AXDND1: variants seen among roughly 807,000 people sequenced by gnomAD.
The protein encoded by AXDND1 is axonemal dynein light chain domain containing 1, also known as axonemal dynein light chain domain-containing protein 1.
AXDND1 carries 110 observed loss-of-function variants against 137.5 expected under a neutral mutation model. That is an observed-to-expected ratio of 0.80 (90% CI 0.69 to 0.94). AXDND1 has a LOEUF of 0.94. Among genes scored for constraint, AXDND1 ranks in the 40% least tolerant of loss-of-function variants. AXDND1 has a pLI of 0.00. For synonymous variants in AXDND1, 414 were observed against 399.7 expected (o/e 1.04, Z -0.43); for missense variants, 1,191 against 1,169.8 (o/e 1.02, Z -0.26).
At chr1:179,438,921 C>T (rs1480400639) in intron 15 of AXDND1, among the ~76,000 whole-genome samples, 2 of 152,008 alleles carry the variant, frequency 1.3e-5, no homozygotes, top group African/African-American at 4.8e-5. Flanking sequence ...TTGGTCCTTT[C>T]CTCCCTGGAT....
At chr1:179,497,250 G>A (rs10798684) in intron 20 of AXDND1, among the ~76,000 whole-genome samples, 130,437 of 151,850 alleles carry the variant, frequency 0.86, 56,215 homozygotes, top group East Asian at 0.9. Flanking sequence ...TGATCCATCA[G>A]TTATTCAGAG....
intron 16 of AXDND1, among the ~76,000 whole-genome samples, chr1:179,466,604 A>T (rs551143361): frequency 6.6e-6 from 1 of 152,234 alleles, no homozygotes; most frequent in African/African-American, 2.4e-5. Flanking sequence ...GTCATTTTAT[A>T]ACTTGAAAGT....
At chr1:179,522,144 A>G (rs1449006741) in intron 21 of AXDND1, among the ~76,000 whole-genome samples, 2 of 152,000 alleles carry the variant, frequency 1.3e-5, no homozygotes, top group African/African-American at 2.4e-5. Context: ...GTTGGAATCA[A>G]TCCCCCATGT....
At chr1:179,516,385 T>C (rs1340663025) in intron 21 of AXDND1, among the ~76,000 whole-genome samples, 2 of 152,206 alleles carry the variant, frequency 1.3e-5, no homozygotes, top group South Asian at 2.1e-4. Context: ...TTTCCTTGCA[T>C]TGGGCTTCGC....
intron 21 of AXDND1, among the ~76,000 whole-genome samples, chr1:179,510,074 A>G (rs60653926): frequency 0.025 from 3,810 of 152,118 alleles, 91 homozygotes; most frequent in East Asian, 0.062. Context: ...TCCTTTTACA[A>G]TGTCCTGGTT....
intron 25 of AXDND1, chr1:179,544,525 T>A (rs1672463570): frequency 6.6e-6 from 1 of 151,862 alleles, no homozygotes; most frequent in Admixed American, 6.6e-5. Flanking sequence ...ACACAAAAAT[T>A]AGCCAGGCAT....
intron 11 of AXDND1, among the ~76,000 whole-genome samples, chr1:179,400,037 A>T (rs1052464442): frequency 1.3e-5 from 2 of 152,222 alleles, no homozygotes; most frequent in African/African-American, 4.8e-5. Context: ...AACTAAAAGT[A>T]GAACTACCAT....
At chr1:179,394,733 A>C (rs904757415) in intron 10 of AXDND1, among the ~76,000 whole-genome samples, 1 of 152,242 alleles carries the variant, frequency 6.6e-6, no homozygotes, top group African/African-American at 2.4e-5. Flanking sequence ...GTGATCATCT[A>C]ACTTTTAACC....
At position 179,430,385 on chromosome 1, in the gene AXDND1, A is replaced by T. The variant is rs909131318; in HGVS notation, c.1333-67A>T. On this transcript the variant is annotated intron_variant, in intron 13 of 25. Coordinates refer to ENST00000367618, the MANE Select transcript of AXDND1 (RefSeq NM_144696.6). ...ATTACAATATTAATAATGGCCTGGT[A>T]TATGTTAATGACTATTTGTTATATA... The T allele has an allele frequency of 4.1e-6, 5 of 1,207,278 alleles. No homozygotes were observed. In the African/African-American group the frequency reaches 6.2e-5, roughly 15 times the overall value. 74.8% of individuals were successfully genotyped at this position (1,207,278 alleles called of 1,614,324 possible). A position where few individuals can be genotyped will look rare whatever the true frequency, so the allele number is the denominator to read the frequency against.
At chr1:179,550,113 C>G (rs1043893654) in intron 25 of AXDND1, among the ~76,000 whole-genome samples, 1 of 152,096 alleles carries the variant, frequency 6.6e-6, no homozygotes, top group African/African-American at 2.4e-5. Context: ...TTTGCCTGTT[C>G]CTTTGGCTTC....
intron 19 of AXDND1, among the ~76,000 whole-genome samples, chr1:179,492,196 C>G (rs1666979814): frequency 6.6e-6 from 1 of 152,114 alleles, no homozygotes. Context: ...GCCTCAGCCT[C>G]CTGAGTAGCT....
intron 12 of AXDND1, among the ~76,000 whole-genome samples, chr1:179,423,725 T>A (rs565403766): frequency 6.6e-6 from 1 of 152,248 alleles, no homozygotes; most frequent in East Asian, 1.9e-4. Flanking sequence ...ATGAAAAAAA[T>A]ACGCTTTAAC....
chr1:179,507,778 T>TA lies in AXDND1; in HGVS notation c.2389-1507dup, dbSNP rs5779029. 6.8e-3 allele frequency among the ~76,000 whole-genome samples: 1,026 copies of TA among 149,874 alleles called. 11 individuals are homozygous for TA. The highest frequency in any genetic ancestry group is 0.011 in the Admixed American group (160 of 15,062). On this transcript the variant is annotated intron_variant, in intron 20 of 25. Coordinates refer to ENST00000367618, the MANE Select transcript of AXDND1 (RefSeq NM_144696.6). ...ACTTAGAGTAAACAAACAGCTTCATTAAAAAAAAAAAGATAAGGACTATTA... is the reference window on the plus strand; with the variant it reads ...ACTTAGAGTAAACAAACAGCTTCATTAAAAAAAAAAAAGATAAGGACTATTA...
At chr1:179,488,633 TC>T (rs368641478) in intron 18 of AXDND1, among the ~76,000 whole-genome samples, 19,009 of 53,840 alleles carry the variant, frequency 0.35, 3,015 homozygotes, top group South Asian at 0.42. Context: ...TCTCTCTCTC[TC>T]CTTTCTTTCT....
At chr1:179,415,295 T>C (rs2125238962) in intron 12 of AXDND1, among the ~76,000 whole-genome samples, 1 of 152,160 alleles carries the variant, frequency 6.6e-6, no homozygotes, top group East Asian at 1.9e-4. Flanking sequence ...TGAGCCGAGA[T>C]CGCACCACTG....
chr1:179,429,960 T>G (rs1030466851), intron 13 of AXDND1, among the ~76,000 whole-genome samples: 1 of 148,808 alleles, frequency 6.7e-6, no homozygotes, highest in African/African-American at 2.5e-5. Flanking sequence ...GCACACTAGA[T>G]AGAAAAGGAG....
At chr1:179,395,263 C>G in intron 11 of AXDND1, 61 bp downstream of exon 11, 1 of 1,273,554 alleles carries the variant, frequency 7.9e-7, no homozygotes, top group African/African-American at 1.5e-5. Flanking sequence ...TATATAGCTT[C>G]TGAAATAATA....
chr1:179,386,304 T>G (rs1256320696), intron 9 of AXDND1, among the ~76,000 whole-genome samples: 1 of 152,126 alleles, frequency 6.6e-6, no homozygotes, highest in Non-Finnish European at 1.5e-5. Flanking sequence ...TGCCTTGGCC[T>G]TCCAAAGTGC....
chr1:179,421,367 C>CTTTTTTTTTTTTTTTTTTT, intron 12 of AXDND1, among the ~76,000 whole-genome samples: 1 of 107,232 alleles, frequency 9.3e-6, no homozygotes, highest in South Asian at 2.9e-4. Flanking sequence ...TTTTCTTTTC[C>CTTTTTTTTTTTTTTTTTTT]TTTTTTTTTT....
Sources: allele counts gnomAD v4.1 joint callset (sites outside exome capture counted in the v4.1 genomes callset), GRCh38; gene constraint gnomAD v4.1.1; transcripts MANE v1.5; gene names NCBI Gene and HGNC (gene_info 2026-07-23, HGNC 2026-07-21).